OPRM1: variants seen among roughly 807,000 people sequenced by gnomAD.
OPRM1 encodes the protein opioid receptor mu 1, also known as mu-type opioid receptor.
OPRM1 carries 27 observed loss-of-function variants against 31.8 expected under a neutral mutation model. That is an observed-to-expected ratio of 0.85 (90% CI 0.63 to 1.17). The LOEUF (loss-of-function observed/expected upper bound fraction) is 1.17, where lower values mean the gene tolerates loss of function less well. OPRM1 is among the 50% of genes most tolerant of loss of function. OPRM1 has a pLI of 0.00. For synonymous variants in OPRM1, 196 were observed against 189.9 expected (o/e 1.03, Z -0.26); for missense variants, 536 against 511.1 (o/e 1.05, Z -0.47).
intron 3 of OPRM1, among the ~76,000 whole-genome samples, chr6:154,165,833 G>A (rs1340902825): frequency 1.3e-5 from 2 of 152,248 alleles, no homozygotes; most frequent in East Asian, 3.8e-4. Flanking sequence ...TCTGAAAGAA[G>A]CCAGTTTCCA....
chr6:154,075,534 C>A (rs1057059375), intron 1 of OPRM1, among the ~76,000 whole-genome samples: 4 of 151,796 alleles, frequency 2.6e-5, no homozygotes, highest in African/African-American at 9.7e-5. Context: ...TGACTGCAAC[C>A]TCCACCTCCC....
At chr6:154,081,610 G>GA (rs1346651875) in intron 1 of OPRM1, among the ~76,000 whole-genome samples, 15 of 152,176 alleles carry the variant, frequency 9.9e-5, no homozygotes, top group Non-Finnish European at 2.2e-4. Flanking sequence ...ACTATAACGA[G>GA]AAAATGTCTC....
At chr6:154,218,220 G>C (rs1778569263) in intron 3 of OPRM1, among the ~76,000 whole-genome samples, 1 of 152,208 alleles carries the variant, frequency 6.6e-6, no homozygotes, top group South Asian at 2.1e-4. Context: ...AACTTGACGT[G>C]AATGTGTGTG....
At position 154,125,394 on chromosome 6, in the gene OPRM1, C is replaced by G. The variant is rs1008714786; in HGVS notation, c.*6673C>G. Reference sequence around the variant, plus strand: ...AAACCTAAACCTCTGAAGCAATAAACCTCTTCCATTACACAGGTTTAGATT... The same window carrying G: ...AAACCTAAACCTCTGAAGCAATAAAGCTCTTCCATTACACAGGTTTAGATT... On this transcript the variant is annotated 3_prime_UTR_variant, in exon 4 of 4. Transcript: ENST00000330432. Among the ~76,000 whole-genome samples the G allele has an allele frequency of 4.6e-5, 7 of 152,192 alleles. No homozygotes were observed. The highest frequency in any genetic ancestry group is 2.1e-4 in the South Asian group (1 of 4,830).
chr6:154,090,904 A>C (rs1037249543), intron 2 of OPRM1, 48 bp from the exon 3 acceptor site: 22 of 1,549,704 alleles, frequency 1.4e-5, no homozygotes, highest in Non-Finnish European at 1.8e-5. Flanking sequence ...ACCTTATGAC[A>C]TAATTAAATG....
intron 3 of OPRM1, among the ~76,000 whole-genome samples, chr6:154,244,285 GGT>G (rs1780839708): frequency 1.7e-5 from 2 of 115,728 alleles, no homozygotes; most frequent in African/African-American, 7.2e-5. Flanking sequence ...ATTAAGATTC[GGT>G]GTGTGTGTGG....
chr6:154,246,026 C>T (rs1244890789), intron 3 of OPRM1, among the ~76,000 whole-genome samples: 1 of 152,140 alleles, frequency 6.6e-6, no homozygotes, highest in African/African-American at 2.4e-5. Flanking sequence ...TCACAGAGCA[C>T]ACCAGGGGAC....
chr6:154,083,231 C>T (rs1469808631), intron 1 of OPRM1, among the ~76,000 whole-genome samples: 1 of 152,082 alleles, frequency 6.6e-6, no homozygotes, highest in African/African-American at 2.4e-5. Flanking sequence ...ACCCAGTTTC[C>T]AATTCCAAAA....
chr6:154,214,244 T>A (rs746875359), intron 3 of OPRM1: 4 of 1,611,592 alleles, frequency 2.5e-6, no homozygotes, highest in Non-Finnish European at 3.4e-6. Flanking sequence ...GGATTCCTGA[T>A]GGATTACAGC....
intron 1 of OPRM1, among the ~76,000 whole-genome samples, chr6:154,063,654 C>T (rs543750556): frequency 2.6e-5 from 4 of 152,078 alleles, no homozygotes; most frequent in Non-Finnish European, 5.9e-5. Context: ...AATACCCATT[C>T]GTTCTTTCCT....
intron 3 of OPRM1, chr6:154,223,104 T>C: frequency 8.1e-7 from 1 of 1,231,258 alleles, no homozygotes; most frequent in Non-Finnish European, 1.2e-6. Context: ...ACCATATCCC[T>C]TGGTGAACAT....
intron 3 of OPRM1, among the ~76,000 whole-genome samples, chr6:154,201,372 TTG>T (rs1456428301): frequency 1.3e-5 from 2 of 152,230 alleles, no homozygotes; most frequent in Non-Finnish European, 2.9e-5. Context: ...CTTTGTCTCT[TTG>T]TCTCTTTTCC....
chr6:154,212,244 T>C (rs1322385286), intron 3 of OPRM1, among the ~76,000 whole-genome samples: 1 of 152,188 alleles, frequency 6.6e-6, no homozygotes, highest in Non-Finnish European at 1.5e-5. Flanking sequence ...CATTTGGTGC[T>C]TCCAAAGCTT....
Position 154,039,445 on chromosome 6 carries a change from G to A in OPRM1, c.-100G>A. ...GTTTCTGTAAGAAACAGCAGGAGCT[G>A]TGGCAGCGGCGAAAGGAAGCGGCTG... is the stretch of plus-strand genomic sequence containing the variant. On this transcript the variant is annotated 5_prime_UTR_variant, in exon 1 of 4. It adds an upstream start codon to the 5' untranslated region. Coordinates refer to ENST00000330432, the MANE Select transcript of OPRM1 (RefSeq NM_000914.5). 1 of 1,551,994 alleles carries A rather than the reference G, an allele frequency of 6.4e-7. No individual in the cohort carries two copies. The highest frequency in any genetic ancestry group is 8.7e-7 in the Non-Finnish European group (1 of 1,147,160).
At chr6:154,087,604 A>G (rs1790918355) in intron 1 of OPRM1, 13 of 984,508 alleles carry the variant, frequency 1.3e-5, no homozygotes, top group Non-Finnish European at 1.6e-5. Context: ...AAACTAATAC[A>G]CTCTTTGTCC....
rs1474785806 is a variant in OPRM1, at chr6:154,091,080, A to C, written c.772A>C (p.Ile258Leu). The C allele has an allele frequency of 6.2e-7, 1 of 1,614,122 alleles. No homozygotes were observed. The highest frequency in any genetic ancestry group is 8.5e-7 in the Non-Finnish European group (1 of 1,180,018). ...LIITVCYGLM[I>L]LRLKSVRMLS... is the part of the protein sequence containing the mutation. ...CATTACCGTGTGCTATGGACTGATGATCTTGCGCCTCAAGAGTGTCCGCAT... is the reference window on the plus strand; with the variant it reads ...CATTACCGTGTGCTATGGACTGATGCTCTTGCGCCTCAAGAGTGTCCGCAT... The change falls in exon 3 of 4, where the codon ATC (isoleucine) becomes CTC (leucine). Residue 258 changes from isoleucine (I) to leucine (L), a missense_variant. By Grantham distance (5) the Ile-to-Leu change is conservative. Coordinates refer to ENST00000330432, the MANE Select transcript of OPRM1 (RefSeq NM_000914.5).
intron 1 of OPRM1, among the ~76,000 whole-genome samples, chr6:154,041,750 G>A (rs888224077): frequency 2.0e-5 from 3 of 151,830 alleles, no homozygotes; most frequent in Admixed American, 1.3e-4. Flanking sequence ...CAAATTCTAT[G>A]TGAAATCCTG....
chr6:154,189,270 C>T (rs778654058), intron 3 of OPRM1, among the ~76,000 whole-genome samples: 27 of 152,236 alleles, frequency 1.8e-4, no homozygotes, highest in Non-Finnish European at 2.9e-4. Context: ...GCTTTGAGAG[C>T]GCTCATCCAT....
intron 1 of OPRM1, among the ~76,000 whole-genome samples, chr6:154,013,134 T>C (rs1168515228): frequency 6.6e-6 from 1 of 152,188 alleles, no homozygotes; most frequent in Non-Finnish European, 1.5e-5. Flanking sequence ...AAGAGAGTTT[T>C]CAAGTGGACG....
Sources: gnomAD v4.1 joint callset for allele counts (sites outside exome capture counted in the v4.1 genomes callset) on GRCh38, gnomAD v4.1.1 for gene constraint, MANE v1.5 for transcripts, NCBI Gene and HGNC (gene_info 2026-07-23, HGNC 2026-07-21) for gene names.